Variants in SLC5A4 observed in about 807,000 individuals in gnomAD.
SLC5A4 encodes probable glucose sensor protein SLC5A4.
SLC5A4 carries 55 observed loss-of-function variants against 70.3 expected under a neutral mutation model. The observed-to-expected ratio is 0.78, with a 90% CI of 0.63 to 0.98. The LOEUF (loss-of-function observed/expected upper bound fraction) is 0.98. Ranked by LOEUF, SLC5A4 falls within the 50% of genes least tolerant of loss-of-function variation. The pLI is 0.00. For synonymous variants in SLC5A4, 268 were observed against 305.7 expected (o/e 0.88, Z 1.29); for missense variants, 735 against 839.2 (o/e 0.88, Z 1.53).
the SLC5A4 span, among the ~76,000 whole-genome samples, chr22:32,308,364 A>C: frequency 1.2e-4 from 19 of 152,288 alleles, no homozygotes; most frequent in Admixed American, 1.1e-3. Flanking sequence ...CAGCCACGCC[A>C]GTGGAGGGGC....
intron 5 of SLC5A4, among the ~76,000 whole-genome samples, chr22:32,246,075 G>T (rs1926811607): frequency 6.6e-6 from 1 of 152,186 alleles, no homozygotes; most frequent in African/African-American, 2.4e-5. Flanking sequence ...TTCTGTACTT[G>T]TCCATGCACT....
chr22:32,279,625 T>C, the SLC5A4 span, among the ~76,000 whole-genome samples: 3 of 152,228 alleles, frequency 2.0e-5, no homozygotes, highest in African/African-American at 7.2e-5. Flanking sequence ...ACACTGTCTC[T>C]ACTAAAAATA....
intron 13 of SLC5A4, among the ~76,000 whole-genome samples, chr22:32,222,198 TCTCA>T (rs1334949400): frequency 6.6e-6 from 1 of 152,236 alleles, no homozygotes; most frequent in Non-Finnish European, 1.5e-5. Context: ...GCCTTTACCT[TCTCA>T]CTAAGATTCC....
At chr22:32,351,723 GAGGGTGGGGGC>G in the SLC5A4 span, among the ~76,000 whole-genome samples, 1 of 69,886 alleles carries the variant, frequency 1.4e-5, no homozygotes, top group Non-Finnish European at 2.5e-5. Context: ...GGCGTGGGGG[GAGGGTGGGGGC>G]GGTGGGGGGA....
At chr22:32,340,383 T>G in the SLC5A4 span, among the ~76,000 whole-genome samples, 1 of 152,234 alleles carries the variant, frequency 6.6e-6, no homozygotes, top group Non-Finnish European at 1.5e-5. Context: ...GAGCACCTAC[T>G]ATGTGTCAGG....
the SLC5A4 span, among the ~76,000 whole-genome samples, chr22:32,314,858 T>C: frequency 1.3e-5 from 2 of 152,046 alleles, no homozygotes; most frequent in Non-Finnish European, 2.9e-5. Context: ...AAAATTCCCA[T>C]CAGACCTCAT....
At chr22:32,314,214 A>C in the SLC5A4 span, among the ~76,000 whole-genome samples, 1 of 152,050 alleles carries the variant, frequency 6.6e-6, no homozygotes, top group Non-Finnish European at 1.5e-5. Context: ...AAAGCCAGGT[A>C]CTCTCCATCA....
chr22:32,255,401 T>G (rs1927427019), upstream of SLC5A4: 4 of 1,541,012 alleles, frequency 2.6e-6, no homozygotes, highest in South Asian at 4.6e-5. Context: ...ATGATCAGCC[T>G]CAGGCAGGTG....
intron 13 of SLC5A4, among the ~76,000 whole-genome samples, chr22:32,221,926 G>T (rs1208967403): frequency 6.6e-6 from 1 of 152,124 alleles, no homozygotes; most frequent in Non-Finnish European, 1.5e-5. Context: ...GCTAATCTTT[G>T]TATTTTGAGT....
chr22:32,263,916 G>A, the SLC5A4 span, among the ~76,000 whole-genome samples: 1 of 152,118 alleles, frequency 6.6e-6, no homozygotes, highest in Non-Finnish European at 1.5e-5. Flanking sequence ...GGATTAAGCT[G>A]GGAACCATCA....
chr22:32,283,017 T>G, the SLC5A4 span, among the ~76,000 whole-genome samples: 1 of 152,222 alleles, frequency 6.6e-6, no homozygotes. Flanking sequence ...GCTCAAACCT[T>G]GCCGAGCCTC....
the SLC5A4 span, among the ~76,000 whole-genome samples, chr22:32,301,108 G>A: frequency 5.1e-4 from 78 of 152,172 alleles, no homozygotes; most frequent in South Asian, 1.7e-3. Flanking sequence ...GCTTACAGGC[G>A]CCCACCACTG....
the SLC5A4 span, among the ~76,000 whole-genome samples, chr22:32,337,496 G>A: frequency 6.6e-6 from 1 of 151,918 alleles, no homozygotes; most frequent in Admixed American, 6.6e-5. Flanking sequence ...ATCGCACCAC[G>A]GCACTCCAGC....
the SLC5A4 span, among the ~76,000 whole-genome samples, chr22:32,279,861 G>A: frequency 1.3e-5 from 2 of 151,842 alleles, no homozygotes; most frequent in East Asian, 3.9e-4. Context: ...ACTCAGAGCA[G>A]ACAGGAAGGC....
At chr22:32,291,261 C>T in the SLC5A4 span, among the ~76,000 whole-genome samples, 24 of 149,058 alleles carry the variant, frequency 1.6e-4, no homozygotes, top group South Asian at 6.4e-4. Flanking sequence ...TGCCACCCTC[C>T]GCCTCCCGGG....
At chr22:32,311,365 C>T in the SLC5A4 span, among the ~76,000 whole-genome samples, 1 of 152,186 alleles carries the variant, frequency 6.6e-6, no homozygotes, top group Admixed American at 6.5e-5. Context: ...TTAAGCAGGG[C>T]CTCCTGAGCT....
chr22:32,276,272 T>C, the SLC5A4 span, among the ~76,000 whole-genome samples: 1 of 152,208 alleles, frequency 6.6e-6, no homozygotes, highest in Non-Finnish European at 1.5e-5. Flanking sequence ...AAAGTCTGTA[T>C]AGCTGCATTA....
chr22:32,248,826 CA>C, intron 3 of SLC5A4, 24 bp from the exon 4 acceptor site: 1 of 1,534,150 alleles, frequency 6.5e-7, no homozygotes, highest in Non-Finnish European at 9.0e-7. Context: ...AAATAAGAGA[CA>C]GTGAGACATT....
chr22:32,348,769 C>T, the SLC5A4 span, among the ~76,000 whole-genome samples: 7 of 152,176 alleles, frequency 4.6e-5, no homozygotes, highest in East Asian at 1.2e-3. Flanking sequence ...GACATATGGG[C>T]CCAGATTCTG....
Sources: allele counts gnomAD v4.1 joint callset (sites outside exome capture counted in the v4.1 genomes callset), GRCh38; gene constraint gnomAD v4.1.1; transcripts MANE v1.5; gene names NCBI Gene and HGNC (gene_info 2026-07-23, HGNC 2026-07-21).